Variants in RAPGEF2 observed in about 807,000 individuals in gnomAD.
RAPGEF2 encodes Rap guanine nucleotide exchange factor 2.
Under a neutral mutation model 186.7 loss-of-function variants are expected in RAPGEF2, and 54 were observed. The observed-to-expected ratio is 0.29, with a 90% CI of 0.23 to 0.36. The LOEUF is 0.36. Among genes scored for constraint, RAPGEF2 ranks in the 10% least tolerant of loss-of-function variants. The pLI is 1.00. For synonymous variants in RAPGEF2, 712 were observed against 705.9 expected (o/e 1.01, Z -0.14); for missense variants, 1,532 against 2,045.0 (o/e 0.75, Z 4.84).
At chr4:159,248,233 C>A (rs1209053599) in intron 7 of RAPGEF2, among the ~76,000 whole-genome samples, 1 of 152,112 alleles carries the variant, frequency 6.6e-6, no homozygotes, top group East Asian at 1.9e-4. Flanking sequence ...GCAGATTATT[C>A]TTTAATCCAG....
At position 159,353,181 on chromosome 4, in the gene RAPGEF2, C is replaced by T. The variant is rs954089329; in HGVS notation, c.4091+271C>T. The stretch of plus-strand genomic sequence containing the variant: ...ACTGTAGGATCCATCCCAGTTGTTT[C>T]GTATGAGCTGCCTTCCTGAAATAAT... On this transcript the variant is annotated intron_variant, in intron 27 of 29. Transcript: ENST00000691494. This position sits in a 1 kb window ranked among gnomAD's most constrained non-coding sequence, Gnocchi z 4.3. Among the ~76,000 whole-genome samples, 7 of 151,708 alleles carry T rather than the reference C, an allele frequency of 4.6e-5. No homozygotes were observed. The highest frequency in any genetic ancestry group is 1.5e-4 in the African/African-American group (6 of 41,278).
intron 7 of RAPGEF2, among the ~76,000 whole-genome samples, chr4:159,249,840 C>T (rs1346055315): frequency 6.6e-6 from 1 of 151,928 alleles, no homozygotes; most frequent in Non-Finnish European, 1.5e-5. Flanking sequence ...GTTAAAGAAA[C>T]CCAGATACCA....
chr4:159,253,745 G>A (rs970675143), intron 7 of RAPGEF2, among the ~76,000 whole-genome samples: 1 of 152,108 alleles, frequency 6.6e-6, no homozygotes, highest in Non-Finnish European at 1.5e-5. Context: ...GAGGCGGGCG[G>A]ATCACGAGGT....
intron 1 of RAPGEF2, among the ~76,000 whole-genome samples, chr4:159,115,379 T>A (rs544326778): frequency 1.3e-5 from 2 of 152,304 alleles, no homozygotes; most frequent in East Asian, 3.9e-4. Context: ...AAATAATAAG[T>A]TGCATTTGAG....
intron 7 of RAPGEF2, among the ~76,000 whole-genome samples, chr4:159,290,792 T>G (rs748057473): frequency 5.3e-5 from 8 of 152,048 alleles, no homozygotes; most frequent in Non-Finnish European, 1.0e-4. Context: ...AAAAATCTAT[T>G]AGACTTCTTG....
intron 8 of RAPGEF2, among the ~76,000 whole-genome samples, chr4:159,311,192 A>G (rs1655860652): frequency 6.6e-6 from 1 of 152,166 alleles, no homozygotes; most frequent in South Asian, 2.1e-4. Context: ...TATGAAGATT[A>G]TTATGTTTTA....
intron 1 of RAPGEF2, among the ~76,000 whole-genome samples, chr4:159,167,109 T>C (rs1280563524): frequency 6.6e-6 from 1 of 152,088 alleles, no homozygotes; most frequent in Non-Finnish European, 1.5e-5. Context: ...CAGGAGACTT[T>C]ACAGGATTAA....
At chr4:159,113,323 C>G (rs1437057444) in intron 1 of RAPGEF2, among the ~76,000 whole-genome samples, 1 of 151,954 alleles carries the variant, frequency 6.6e-6, no homozygotes, top group Non-Finnish European at 1.5e-5. Flanking sequence ...GATCTTTGAC[C>G]CGTTTTTTAA....
At chr4:159,191,179 G>GT (rs1409576757) in intron 2 of RAPGEF2, among the ~76,000 whole-genome samples, 1 of 149,178 alleles carries the variant, frequency 6.7e-6, no homozygotes, top group African/African-American at 2.5e-5. Context: ...AGAGGATGAA[G>GT]TTGGGGAGCA....
chr4:159,239,518 T>TA (rs1753700054), intron 5 of RAPGEF2, among the ~76,000 whole-genome samples: 1 of 152,198 alleles, frequency 6.6e-6, no homozygotes, highest in African/African-American at 2.4e-5. Context: ...TTCCCTCTTT[T>TA]TAATGTAATT....
chr4:159,198,270 CCT>C (rs1491502111), intron 3 of RAPGEF2, among the ~76,000 whole-genome samples: 7 of 55,696 alleles, frequency 1.3e-4, no homozygotes, highest in African/African-American at 1.2e-3. Flanking sequence ...CTCTTTCTTT[CCT>C]TCTTTCTTTC....
chr4:159,351,018 T>C (rs1236916674), intron 26 of RAPGEF2: 19 of 1,500,180 alleles, frequency 1.3e-5, no homozygotes, highest in Non-Finnish European at 1.4e-5. Context: ...CTGTCCTTGT[T>C]ACATGGATGC....
intron 1 of RAPGEF2, among the ~76,000 whole-genome samples, chr4:159,124,554 T>G (rs1383996234): frequency 6.6e-6 from 1 of 152,000 alleles, no homozygotes; most frequent in African/African-American, 2.4e-5. Flanking sequence ...GAAAAAAAAT[T>G]TAATAAGTCT....
At chr4:159,314,517 T>A in intron 8 of RAPGEF2, 74 bp from the exon 9 acceptor site, 9 of 1,339,516 alleles carry the variant, frequency 6.7e-6, no homozygotes, top group Non-Finnish European at 8.9e-6. Context: ...TGAATGAGGC[T>A]TGCTCTTGTT....
intron 23 of RAPGEF2, 118 bp downstream of exon 23, chr4:159,344,177 G>A (rs571008582): frequency 1.1e-4 from 118 of 1,063,774 alleles, no homozygotes; most frequent in Middle Eastern, 6.0e-4. Flanking sequence ...CTTAACCCTC[G>A]TGCTGTAGCA....
Position 159,339,331 on chromosome 4 carries a change from A to G in RAPGEF2, c.2511A>G (p.Ala837=), listed in dbSNP as rs780326379. The change falls in exon 19 of 30, where the codon GCA becomes GCG. Residue 837 remains alanine (A), a synonymous_variant. Coordinates refer to ENST00000691494, the MANE Select transcript of RAPGEF2 (RefSeq NM_001394067.2). The stretch of plus-strand genomic sequence containing the variant: ...TTCCAGATCAGCTTTCCAAACTTGC[A>G]GACAGAATACAACTGAGTGGAAGGT... The part of the protein sequence containing the change: ...RRLPDQLSKL[A]DRIQLSGRYY... 3.7e-6 allele frequency: 6 copies of G among 1,614,096 alleles called. No homozygotes were observed. In the Admixed American group the frequency reaches 6.7e-5, roughly 18 times the overall value.
intron 25 of RAPGEF2, among the ~76,000 whole-genome samples, chr4:159,349,563 C>T (rs974781863): frequency 2.6e-5 from 4 of 152,092 alleles, no homozygotes; most frequent in African/African-American, 4.8e-5. Context: ...TGGTCTCTTC[C>T]GCCCTTCTCT....
chr4:159,324,440 A>C (rs1765658555), intron 11 of RAPGEF2, among the ~76,000 whole-genome samples: 1 of 152,262 alleles, frequency 6.6e-6, no homozygotes, highest in Non-Finnish European at 1.5e-5. Flanking sequence ...CGACTAAAAA[A>C]AAGTGTTATG....
At chr4:159,194,985 A>G (rs1748485940) in intron 3 of RAPGEF2, among the ~76,000 whole-genome samples, 1 of 152,184 alleles carries the variant, frequency 6.6e-6, no homozygotes, top group Non-Finnish European at 1.5e-5. Flanking sequence ...GACTGAGGGA[A>G]TGGAGGAGTC....
Sources: allele counts gnomAD v4.1 joint callset (sites outside exome capture counted in the v4.1 genomes callset), GRCh38; gene constraint gnomAD v4.1.1; non-coding constraint Gnocchi (gnomAD v3.1); transcripts MANE v1.5; gene names NCBI Gene and HGNC (gene_info 2026-07-23, HGNC 2026-07-21).